Variants in TENM1 observed in about 807,000 individuals in gnomAD.
TENM1 encodes the protein teneurin transmembrane protein 1, also known as teneurin-1.
Under a neutral mutation model 174.8 loss-of-function variants are expected in TENM1, and 35 were observed. The ratio of observed to expected loss-of-function variants is 0.20; its 90% CI spans 0.15 to 0.27. The LOEUF is 0.27. Ranked by LOEUF, TENM1 falls within the 10% of genes least tolerant of loss-of-function variation. The probability of loss-of-function intolerance (pLI) is 1.00; values close to 1 mark genes in which losing one functional copy is unlikely to be tolerated. For synonymous variants in TENM1, 781 were observed against 798.7 expected (o/e 0.98, Z 0.37); for missense variants, 1,633 against 2,130.1 (o/e 0.77, Z 4.59).
chrX:124,445,619 CT>C (rs1188889268), intron 23 of TENM1, among the ~76,000 whole-genome samples: 3 of 112,401 alleles, frequency 2.7e-5, no homozygotes, highest in Non-Finnish European at 5.6e-5. Context: ...GAAGCCCTGG[CT>C]GTGTATCTGG....
At chrX:124,909,748 G>T (rs1380122246) in intron 1 of TENM1, among the ~76,000 whole-genome samples, 1 of 112,135 alleles carries the variant, frequency 8.9e-6, no homozygotes, top group Non-Finnish European at 1.9e-5. Flanking sequence ...GAAAACATTG[G>T]CCTCTCTTGT....
chrX:125,005,930 C>A, the TENM1 span, among the ~76,000 whole-genome samples: 1 of 111,483 alleles, frequency 9.0e-6, no homozygotes, highest in Middle Eastern at 4.2e-3. Context: ...GTTTTGAGCA[C>A]AAAACTGGGT....
chrX:125,014,879 A>G, the TENM1 span, among the ~76,000 whole-genome samples: 157 of 112,089 alleles, frequency 1.4e-3, 1 homozygote, highest in African/African-American at 5.0e-3. Flanking sequence ...AATGGAGTTC[A>G]GGGACATAAG....
the TENM1 span, among the ~76,000 whole-genome samples, chrX:125,059,429 T>C: frequency 9.0e-6 from 1 of 111,488 alleles, no homozygotes; most frequent in African/African-American, 3.3e-5. Context: ...ATCTCACAGT[T>C]ACCCATTTTT....
intron 22 of TENM1, among the ~76,000 whole-genome samples, chrX:124,454,856 T>C (rs1346148497): frequency 1.8e-5 from 2 of 112,268 alleles, no homozygotes; most frequent in Non-Finnish European, 1.9e-5. Context: ...TTTAGTCTTT[T>C]CCCCACTTCC....
At chrX:124,936,109 C>A (rs1261291139) in intron 1 of TENM1, among the ~76,000 whole-genome samples, 2 of 111,818 alleles carry the variant, frequency 1.8e-5, no homozygotes, top group African/African-American at 6.5e-5. Flanking sequence ...CTGATTAAAA[C>A]CAATCAATAT....
exon 7 of TENM1, chrX:124,653,749 T>C (rs1371597877): frequency 9.1e-6 from 11 of 1,211,472 alleles, no homozygotes; most frequent in Non-Finnish European, 1.2e-5. Flanking sequence ...CAATGTCAAC[T>C]TCTCCAGTGT....
intron 5 of TENM1, among the ~76,000 whole-genome samples, chrX:124,678,193 C>A (rs1355965149): frequency 9.0e-6 from 1 of 110,691 alleles, no homozygotes; most frequent in South Asian, 3.8e-4. Flanking sequence ...GCTTTTTGGG[C>A]CAGAGAGCTT....
At chrX:124,730,387 T>G (rs974434344) in intron 4 of TENM1, among the ~76,000 whole-genome samples, 30 of 111,761 alleles carry the variant, frequency 2.7e-4, no homozygotes, top group African/African-American at 9.8e-4. Flanking sequence ...CTAAGCACAT[T>G]GCAATTAGGA....
At chrX:125,181,357 C>T in the TENM1 span, among the ~76,000 whole-genome samples, 3 of 111,540 alleles carry the variant, frequency 2.7e-5, no homozygotes, top group East Asian at 5.7e-4. Flanking sequence ...AGAGGACACA[C>T]TCAAGCTACA....
rs549998394 is a variant in TENM1 at position 124,605,298 on chromosome X, G to A, written c.2077+36493C>T. On this transcript the variant is annotated intron_variant, in intron 11 of 31. Coordinates refer to ENST00000422452, the Ensembl canonical transcript of TENM1. The stretch of plus-strand genomic sequence containing the variant: ...AGGTGACTTTATGTGTATAAGAACG[G>A]TTTCATCCTTTTCTAGGTCCAACAG... Among the ~76,000 whole-genome samples the A allele has an allele frequency of 2.0e-4, 21 of 105,111 alleles. No homozygotes were observed. In the South Asian group the frequency reaches 7.5e-3, roughly 38 times the overall value. 91.3% of individuals were successfully genotyped at this position (105,111 alleles called of 115,157 possible). A position where few individuals can be genotyped will look rare whatever the true frequency, so the allele number is the denominator to read the frequency against.
chrX:124,403,174 A>G (rs2060419133), intron 27 of TENM1, among the ~76,000 whole-genome samples: 1 of 111,286 alleles, frequency 9.0e-6, no homozygotes, highest in Non-Finnish European at 1.9e-5. Context: ...AACAACAACA[A>G]AAAAACCACC....
intron 22 of TENM1, among the ~76,000 whole-genome samples, chrX:124,471,217 T>A (rs867750008): frequency 6.4e-5 from 3 of 46,580 alleles, no homozygotes; most frequent in Non-Finnish European, 1.2e-4. Context: ...TACTATATAT[T>A]ATAATATATA....
chrX:125,043,211 A>C, the TENM1 span, among the ~76,000 whole-genome samples: 6 of 88,833 alleles, frequency 6.8e-5, no homozygotes, highest in East Asian at 2.2e-3. Context: ...AGAAACTACC[A>C]TCAGAGTGAA....
At chrX:124,856,069 A>G (rs575813017) in intron 3 of TENM1, among the ~76,000 whole-genome samples, 1 of 110,559 alleles carries the variant, frequency 9.0e-6, no homozygotes, top group South Asian at 3.9e-4. Context: ...CACATGTAAT[A>G]TTATCATATT....
intron 1 of TENM1, among the ~76,000 whole-genome samples, chrX:124,952,347 T>C (rs1187628117): frequency 9.1e-6 from 1 of 109,684 alleles, no homozygotes; most frequent in Non-Finnish European, 1.9e-5. Flanking sequence ...TGTGTGTGTG[T>C]GTGTGTGTGT....
intron 1 of TENM1, among the ~76,000 whole-genome samples, chrX:124,917,516 T>C (rs145493606): frequency 0.016 from 1,775 of 111,480 alleles, 29 homozygotes; most frequent in African/African-American, 0.055. Context: ...ATTTTTTGAC[T>C]TGGATTTTAA....
chrX:124,605,689 T>C (rs1256977339), intron 11 of TENM1, among the ~76,000 whole-genome samples: 2 of 111,658 alleles, frequency 1.8e-5, no homozygotes, highest in African/African-American at 6.5e-5. Flanking sequence ...ACATTACTCA[T>C]CCTTGGGATA....
At chrX:125,061,841 T>G in the TENM1 span, among the ~76,000 whole-genome samples, 1 of 109,019 alleles carries the variant, frequency 9.2e-6, no homozygotes, top group Admixed American at 9.7e-5. Flanking sequence ...GAGGCAGAGG[T>G]TGCAGTGAGC....
Sources: allele counts gnomAD v4.1 joint callset (sites outside exome capture counted in the v4.1 genomes callset), GRCh38; gene constraint gnomAD v4.1.1; transcripts MANE v1.5; gene names NCBI Gene and HGNC (gene_info 2026-07-23, HGNC 2026-07-21).